VPS13D: variants seen among roughly 807,000 people sequenced by gnomAD.
The protein encoded by VPS13D is intermembrane lipid transfer protein VPS13D.
VPS13D carries 187 observed loss-of-function variants against 461.9 expected under a neutral mutation model. The ratio of observed to expected loss-of-function variants is 0.40; its 90% confidence interval spans 0.36 to 0.46. VPS13D has a LOEUF of 0.46. Among genes scored for constraint, VPS13D ranks in the 20% least tolerant of loss-of-function variants. VPS13D has a pLI of 0.60. For synonymous variants in VPS13D, 1,951 were observed against 1,986.3 expected (o/e 0.98, Z 0.47); for missense variants, 4,711 against 5,364.9 (o/e 0.88, Z 3.81).
At chr1:12,237,202 T>A (rs1053119811) in intron 2 of VPS13D, among the ~76,000 whole-genome samples, 4 of 151,714 alleles carry the variant, frequency 2.6e-5, no homozygotes, top group Non-Finnish European at 5.9e-5. Flanking sequence ...CAAAGTAACA[T>A]GAGTGTTTAA....
chr1:12,484,267 C>T (rs1570263862), intron 67 of VPS13D, among the ~76,000 whole-genome samples: 1 of 152,150 alleles, frequency 6.6e-6, no homozygotes, highest in Admixed American at 6.5e-5. Flanking sequence ...AGTGCCGGAC[C>T]ACCCCAGCGC....
At chr1:12,459,309 T>C (rs950012492) in intron 66 of VPS13D, among the ~76,000 whole-genome samples, 1 of 152,188 alleles carries the variant, frequency 6.6e-6, no homozygotes, top group African/African-American at 2.4e-5. Context: ...ATTTAACGTA[T>C]ACAGGACGGT....
intron 23 of VPS13D, among the ~76,000 whole-genome samples, chr1:12,293,075 T>C (rs1642180397): frequency 6.6e-6 from 1 of 152,242 alleles, no homozygotes; most frequent in Non-Finnish European, 1.5e-5. Flanking sequence ...TTGACTTACA[T>C]TTGACTAAGT....
At chr1:12,353,408 C>G (rs1569982883) in intron 46 of VPS13D, among the ~76,000 whole-genome samples, 1 of 151,938 alleles carries the variant, frequency 6.6e-6, no homozygotes, top group South Asian at 2.1e-4. Flanking sequence ...TGGTGGTCGC[C>G]TGTAGTCCCA....
intron 34 of VPS13D, 142 bp downstream of exon 34, chr1:12,322,888 T>A: frequency 1.4e-6 from 1 of 708,934 alleles, no homozygotes. Flanking sequence ...TAAGTATGAC[T>A]CTCTCATTTT....
intron 13 of VPS13D, among the ~76,000 whole-genome samples, chr1:12,263,181 A>G (rs1430608563): frequency 6.6e-6 from 1 of 152,154 alleles, no homozygotes; most frequent in African/African-American, 2.4e-5. Context: ...GTCTTCTTGC[A>G]CTCAGGACCA....
rs540974686 is a variant in VPS13D, at chr1:12,432,700, A to G, written c.12333+15873A>G. Among the ~76,000 whole-genome samples, 10 of 151,266 alleles carry G rather than the reference A, an allele frequency of 6.6e-5. No individual in the cohort carries two copies. In the South Asian group the frequency reaches 1.9e-3, roughly 28 times the overall value. ...AACCTCTGCTTCTTGGGTTCAGGCA[A>G]TCCTCCCAACCCGGCCTCCTGAGTA... On this transcript the variant is annotated intron_variant, in intron 65 of 69. Transcript: ENST00000620676.
intron 23 of VPS13D, among the ~76,000 whole-genome samples, chr1:12,292,435 C>CTTTTTTT (rs886615855): frequency 6.2e-5 from 6 of 96,918 alleles, no homozygotes; most frequent in Non-Finnish European, 1.0e-4. Flanking sequence ...TGCTCAGTCT[C>CTTTTTTT]TTTTTTTTTT....
At chr1:12,339,680 G>A (rs1365043379) in intron 40 of VPS13D, among the ~76,000 whole-genome samples, 1 of 152,178 alleles carries the variant, frequency 6.6e-6, no homozygotes, top group African/African-American at 2.4e-5. Context: ...GAAGATGTCA[G>A]ATTTGTTGCC....
At chr1:12,318,404 G>C (rs1471694909) in intron 31 of VPS13D, 67 bp downstream of exon 31, 1 of 1,535,866 alleles carries the variant, frequency 6.5e-7, no homozygotes. Flanking sequence ...CTGCCTTACA[G>C]GATGATTGCT....
intron 67 of VPS13D, among the ~76,000 whole-genome samples, chr1:12,464,667 C>T (rs572035601): frequency 6.6e-6 from 1 of 151,830 alleles, no homozygotes; most frequent in African/African-American, 2.4e-5. Context: ...CCTAACTTTC[C>T]TCTGAAATTT....
Position 12,351,958 on chromosome 1 carries a change from A to G in VPS13D, c.9432-2016A>G, listed in dbSNP as rs1235771794. Among the ~76,000 whole-genome samples the G allele has an allele frequency of 2.6e-5, 4 of 151,916 alleles. No individual in the cohort carries two copies. In the East Asian group the frequency reaches 5.8e-4, roughly 22 times the overall value. ...ATCCCAGAAATTTAAGATTAGCTTAATATTTGAAAATCAGTAAATGTAACT... is the reference window on the plus strand; with the variant it reads ...ATCCCAGAAATTTAAGATTAGCTTAGTATTTGAAAATCAGTAAATGTAACT... On this transcript the variant is annotated intron_variant, in intron 46 of 69. Coordinates refer to ENST00000620676, the MANE Select transcript of VPS13D (RefSeq NM_015378.4).
intron 33 of VPS13D, among the ~76,000 whole-genome samples, chr1:12,322,211 G>T (rs1643057680): frequency 6.6e-6 from 1 of 152,078 alleles, no homozygotes; most frequent in African/African-American, 2.4e-5. Flanking sequence ...GACTACAGGG[G>T]CCTGCCACCG....
chr1:12,341,966 C>T (rs1042193275), intron 41 of VPS13D, 81 bp downstream of exon 41: 6 of 1,323,674 alleles, frequency 4.5e-6, no homozygotes, highest in South Asian at 2.5e-5. Flanking sequence ...CAAGGTGGGC[C>T]CCCTCTTGAG....
At chr1:12,355,624 A>G (rs1643878536) in intron 47 of VPS13D, among the ~76,000 whole-genome samples, 1 of 152,032 alleles carries the variant, frequency 6.6e-6, no homozygotes, top group Non-Finnish European at 1.5e-5. Flanking sequence ...CCAGGGTTAG[A>G]ATATCAAAAT....
intron 25 of VPS13D, among the ~76,000 whole-genome samples, chr1:12,302,750 T>G (rs1041016463): frequency 2.6e-5 from 4 of 152,146 alleles, no homozygotes; most frequent in African/African-American, 9.7e-5. Flanking sequence ...GAAAGCCTGC[T>G]TATTAACTTT....
At chr1:12,322,403 T>C (rs964903879) in intron 33 of VPS13D, 133 bp from the exon 34 acceptor site, 15 of 866,376 alleles carry the variant, frequency 1.7e-5, no homozygotes, top group Non-Finnish European at 2.5e-5. Flanking sequence ...ATCTTTGCAA[T>C]CTTTTAAATG....
Position 12,505,763 on chromosome 1 carries a change from C to G in VPS13D, c.12795-1090C>G, listed in dbSNP as rs1343249298. Reference sequence around the variant, plus strand: ...GGGATGCTTCACAGAGAAGTTAGAACCTGTGATCCTTGCGGGGAGGGGGAT... The same window carrying G: ...GGGATGCTTCACAGAGAAGTTAGAAGCTGTGATCCTTGCGGGGAGGGGGAT... On this transcript the variant is annotated intron_variant, in intron 68 of 69. Transcript: ENST00000620676. The surrounding 1 kb of genome is among the most constrained non-coding windows in gnomAD (Gnocchi z 4.2). Among the ~76,000 whole-genome samples the G allele has an allele frequency of 1.3e-5, 2 of 152,170 alleles. No individual in the cohort carries two copies. Among genetic ancestry groups the G allele is most frequent in the Non-Finnish European group, 2.9e-5 (2 of 68,026 alleles).
chr1:12,371,493 C>G (rs1451842784), intron 54 of VPS13D, among the ~76,000 whole-genome samples: 1 of 151,138 alleles, frequency 6.6e-6, no homozygotes, highest in Non-Finnish European at 1.5e-5. Context: ...CGGGTTCAAG[C>G]GATTCTCCTG....
Sources: gnomAD v4.1 joint callset for allele counts (sites outside exome capture counted in the v4.1 genomes callset) on GRCh38, gnomAD v4.1.1 for gene constraint, Gnocchi (gnomAD v3.1) non-coding constraint, MANE v1.5 for transcripts, NCBI Gene and HGNC (gene_info 2026-07-23, HGNC 2026-07-21) for gene names.